The following CDS1 variants were observed in gnomAD, a reference collection of about 807,000 sequenced individuals.
The protein encoded by CDS1 is CDP-diacylglycerol synthase 1, also known as phosphatidate cytidylyltransferase 1.
A neutral mutation model predicts 62.1 loss-of-function variants in CDS1; 41 were observed. The observed-to-expected ratio is 0.66, with a 90% confidence interval of 0.51 to 0.86. CDS1 has a LOEUF of 0.86. CDS1 is among the 40% of genes least tolerant of loss of function. The pLI is 0.00. For missense variants in CDS1, 470 were observed against 550.1 expected (o/e 0.85, Z 1.46); for synonymous variants, 185 against 192.6 (o/e 0.96, Z 0.32).
At position 84,638,768 on chromosome 4, in the gene CDS1, G is replaced by C. The variant is rs536279186; in HGVS notation, c.811-156G>C. 1.5e-3 allele frequency among the ~76,000 whole-genome samples: 233 copies of C among 151,566 alleles called. 1 individual carries two copies. Among genetic ancestry groups the C allele is most frequent in the Non-Finnish European group, 2.5e-3 (170 of 67,860 alleles). On this transcript the variant is annotated intron_variant, in intron 8 of 12. Coordinates refer to ENST00000295887, the MANE Select transcript of CDS1 (RefSeq NM_001263.4). ...GATTTTCACTAGTAAATCAAGATCA[G>C]AGAAAAGGAAAAAGGGTTTTGAACT...
chr4:84,609,042 G>A (rs1357681105), intron 2 of CDS1, among the ~76,000 whole-genome samples: 3 of 151,834 alleles, frequency 2.0e-5, no homozygotes, highest in East Asian at 1.9e-4. Flanking sequence ...AGCCGGGTGT[G>A]GTGGCGGGCA....
chr4:84,617,769 C>A, intron 4 of CDS1, 108 bp downstream of exon 4: 1 of 494,358 alleles, frequency 2.0e-6, no homozygotes, highest in South Asian at 3.6e-5. Context: ...TAGATTGATT[C>A]TAGAGAAAGA....
intron 1 of CDS1, among the ~76,000 whole-genome samples, chr4:84,601,417 A>G (rs1722932922): frequency 6.6e-6 from 1 of 152,128 alleles, no homozygotes; most frequent in South Asian, 2.1e-4. Context: ...TGAATTTCAA[A>G]TGATGCCAGT....
At chr4:84,637,549 C>A (rs12644583) in intron 8 of CDS1, among the ~76,000 whole-genome samples, 3 of 151,770 alleles carry the variant, frequency 2.0e-5, no homozygotes, top group Non-Finnish European at 2.9e-5. Context: ...ATTAGAAACC[C>A]CCTCCCTGAC....
At position 84,651,282 on chromosome 4, in the gene CDS1, T is replaced by C. The variant is rs1724725576; in HGVS notation, c.*2596T>C. 6.6e-6 allele frequency: 1 copy of C among 152,240 alleles called. No individual in the cohort carries two copies. Among genetic ancestry groups the C allele is most frequent in the Non-Finnish European group, 1.5e-5 (1 of 68,044 alleles). The allele number at this position is 152,240 out of a possible 1,614,324, so 9.4% of individuals were successfully genotyped here. A position where few individuals can be genotyped will look rare whatever the true frequency, so the allele number is the denominator to read the frequency against. ...GCTTATGATGTGTGTCAATCAGTTCTCTGAATCTTTTACTGAAACTGAGAC... is the reference window on the plus strand; with the variant it reads ...GCTTATGATGTGTGTCAATCAGTTCCCTGAATCTTTTACTGAAACTGAGAC... On this transcript the variant is annotated 3_prime_UTR_variant, in exon 13 of 13. Coordinates refer to ENST00000295887, the MANE Select transcript of CDS1 (RefSeq NM_001263.4).
chr4:84,585,943 A>G (rs867573263), intron 1 of CDS1, among the ~76,000 whole-genome samples: 1 of 152,302 alleles, frequency 6.6e-6, no homozygotes, highest in South Asian at 2.1e-4. Flanking sequence ...CTTGGCGTCT[A>G]CCTGGAGACT....
intron 7 of CDS1, 34 bp from the exon 8 acceptor site, chr4:84,635,230 T>C (rs924548808): frequency 2.5e-6 from 3 of 1,183,526 alleles, no homozygotes; most frequent in South Asian, 1.3e-5. Context: ...GTGAACTTTT[T>C]TCTGCTGACT....
chr4:84,589,872 G>A (rs1366408066), intron 1 of CDS1, among the ~76,000 whole-genome samples: 2 of 152,070 alleles, frequency 1.3e-5, no homozygotes, highest in African/African-American at 2.4e-5. Flanking sequence ...GTGCAGTGGC[G>A]CGACCTCGGC....
chr4:84,634,765 G>A (rs1325585426), intron 7 of CDS1, among the ~76,000 whole-genome samples: 3 of 152,130 alleles, frequency 2.0e-5, no homozygotes, highest in Non-Finnish European at 4.4e-5. Context: ...AGTTACTGAA[G>A]TAAGTAGGTT....
chr4:84,598,884 C>A (rs1179363793), intron 1 of CDS1, among the ~76,000 whole-genome samples: 2 of 152,122 alleles, frequency 1.3e-5, no homozygotes, highest in African/African-American at 4.8e-5. Context: ...GAACTATATC[C>A]TTTGTTCCCT....
intron 3 of CDS1, among the ~76,000 whole-genome samples, chr4:84,610,894 G>A (rs1419266070): frequency 1.3e-5 from 2 of 152,162 alleles, no homozygotes; most frequent in South Asian, 2.1e-4. Flanking sequence ...GCACAACAAC[G>A]AAATTGCCTA....
At chr4:84,630,084 C>T (rs1723974506) in intron 5 of CDS1, among the ~76,000 whole-genome samples, 1 of 152,078 alleles carries the variant, frequency 6.6e-6, no homozygotes. Flanking sequence ...TGCCTTTAAC[C>T]ACGGATCAGT....
intron 1 of CDS1, among the ~76,000 whole-genome samples, chr4:84,585,431 CCTGT>C (rs1722384116): frequency 1.3e-5 from 2 of 152,104 alleles, no homozygotes; most frequent in African/African-American, 4.8e-5. Context: ...GAACTCTATC[CCTGT>C]CTGTCCTTTC....
intron 5 of CDS1, among the ~76,000 whole-genome samples, chr4:84,623,724 C>G (rs760634526): frequency 2.6e-5 from 4 of 152,192 alleles, no homozygotes; most frequent in Non-Finnish European, 5.9e-5. Flanking sequence ...TTTTTGCTCA[C>G]AGTCCTGCGG....
At chr4:84,599,371 C>CAAATAT (rs1484877008) in intron 1 of CDS1, among the ~76,000 whole-genome samples, 1 of 132,058 alleles carries the variant, frequency 7.6e-6, no homozygotes, top group Non-Finnish European at 1.6e-5. Flanking sequence ...CATTCCATAG[C>CAAATAT]AAATATAATT....
At chr4:84,610,958 A>C (rs1220454929) in intron 3 of CDS1, among the ~76,000 whole-genome samples, 1 of 152,226 alleles carries the variant, frequency 6.6e-6, no homozygotes, top group Admixed American at 6.5e-5. Flanking sequence ...GACTATATAT[A>C]ATTACAAACT....
At chr4:84,598,803 A>G (rs993508577) in intron 1 of CDS1, among the ~76,000 whole-genome samples, 1 of 152,082 alleles carries the variant, frequency 6.6e-6, no homozygotes, top group African/African-American at 2.4e-5. Context: ...ATAGTTGTAT[A>G]TGTTTATGGA....
intron 1 of CDS1, among the ~76,000 whole-genome samples, chr4:84,592,993 A>T (rs2110036139): frequency 6.6e-6 from 1 of 152,338 alleles, no homozygotes; most frequent in Admixed American, 6.5e-5. Flanking sequence ...TATTAAGCCC[A>T]TCTGGAAGTT....
At chr4:84,584,360 T>C (rs1722352125) in intron 1 of CDS1, among the ~76,000 whole-genome samples, 1 of 152,214 alleles carries the variant, frequency 6.6e-6, no homozygotes, top group Non-Finnish European at 1.5e-5. Flanking sequence ...GACCAGAGAA[T>C]AGATTGTTGT....
Sources: allele counts gnomAD v4.1 joint callset (sites outside exome capture counted in the v4.1 genomes callset), GRCh38; gene constraint gnomAD v4.1.1; transcripts MANE v1.5; gene names NCBI Gene and HGNC (gene_info 2026-07-23, HGNC 2026-07-21).